AKAP7: variants seen among roughly 807,000 people sequenced by gnomAD.
AKAP7 encodes A kinase (PRKA) anchor protein 7.
In AKAP7, 39 loss-of-function variants were observed where a neutral mutation model predicts 39.5. That is an observed-to-expected ratio of 0.99 (90% CI 0.76 to 1.29). AKAP7 has a LOEUF of 1.29. Ranked by LOEUF, AKAP7 falls within the 50% of genes most tolerant of loss-of-function variation. The probability of loss-of-function intolerance (pLI) is 0.00; values close to 1 mark genes in which losing one functional copy is unlikely to be tolerated. For missense variants in AKAP7, 414 were observed against 407.7 expected (o/e 1.02, Z -0.13); for synonymous variants, 140 against 139.1 (o/e 1.01, Z -0.05).
the AKAP7 span, among the ~76,000 whole-genome samples, chr6:131,127,172 A>G: frequency 6.6e-6 from 1 of 151,972 alleles, no homozygotes; most frequent in Non-Finnish European, 1.5e-5. Flanking sequence ...TAGCCTCCTG[A>G]GTAGCTGGGA....
intron 7 of AKAP7, among the ~76,000 whole-genome samples, chr6:131,232,134 A>G (rs1332591602): frequency 6.6e-6 from 1 of 152,114 alleles, no homozygotes; most frequent in Non-Finnish European, 1.5e-5. Context: ...TTGGTTTCAA[A>G]CCTTATGATT....
intron 5 of AKAP7, among the ~76,000 whole-genome samples, chr6:131,179,454 G>T (rs916785990): frequency 6.6e-6 from 1 of 152,156 alleles, no homozygotes; most frequent in Non-Finnish European, 1.5e-5. Context: ...GATTACAGGC[G>T]TGAGCCACCG....
Position 131,135,787 on chromosome 6 carries a change from G to C in AKAP7, c.19+5G>C, listed in dbSNP as rs1375555147. On this transcript the variant is annotated splice_donor_5th_base_variant and intron_variant, in intron 1 of 7. Transcript: ENST00000431975. ...CCATGGAGCGCCCCGAAGCGGGTGAGACCGGGCTGTCCAGCGGGCCGGGGC... is the reference window on the plus strand; with the variant it reads ...CCATGGAGCGCCCCGAAGCGGGTGACACCGGGCTGTCCAGCGGGCCGGGGC... 6 of 1,228,746 alleles carry C rather than the reference G, an allele frequency of 4.9e-6. No homozygotes were observed. The highest frequency in any genetic ancestry group is 6.1e-6 in the Non-Finnish European group (6 of 986,340). 76.1% of individuals were successfully genotyped at this position (1,228,746 alleles called of 1,614,324 possible). A position where few individuals can be genotyped will look rare whatever the true frequency, so the allele number is the denominator to read the frequency against.
intron 7 of AKAP7, among the ~76,000 whole-genome samples, chr6:131,273,299 T>A (rs112703439): frequency 3.3e-5 from 5 of 152,206 alleles, no homozygotes; most frequent in African/African-American, 1.2e-4. Context: ...TTCATTGGAG[T>A]GTCTAGGCCA....
chr6:131,217,234 A>G (rs1429305534), intron 6 of AKAP7, among the ~76,000 whole-genome samples: 1 of 152,148 alleles, frequency 6.6e-6, no homozygotes, highest in African/African-American at 2.4e-5. Context: ...TTCAGAAAAT[A>G]GGTCCCTTCT....
intron 5 of AKAP7, among the ~76,000 whole-genome samples, chr6:131,193,265 T>G (rs1252670643): frequency 6.6e-6 from 1 of 152,132 alleles, no homozygotes; most frequent in Non-Finnish European, 1.5e-5. Flanking sequence ...CTATACACAG[T>G]TCTTTGAGTT....
At chr6:131,204,985 G>A (rs1305387744) in intron 6 of AKAP7, among the ~76,000 whole-genome samples, 1 of 152,076 alleles carries the variant, frequency 6.6e-6, no homozygotes, top group Admixed American at 6.6e-5. Flanking sequence ...AAGTACTGAT[G>A]CACTAAAAGC....
At chr6:131,252,499 C>G (rs1255417087) in intron 7 of AKAP7, among the ~76,000 whole-genome samples, 2 of 152,192 alleles carry the variant, frequency 1.3e-5, no homozygotes, top group African/African-American at 4.8e-5. Flanking sequence ...CACATATGCA[C>G]ATTGTAGAGC....
upstream of AKAP7, among the ~76,000 whole-genome samples, chr6:131,131,473 T>C (rs1179290147): frequency 1.1e-3 from 126 of 114,924 alleles, no homozygotes; most frequent in Admixed American, 2.6e-3. Flanking sequence ...CTTTCTTTTT[T>C]TTTTTTTTTT....
chr6:131,171,647 G>A (rs991237850), intron 5 of AKAP7, among the ~76,000 whole-genome samples: 7 of 152,214 alleles, frequency 4.6e-5, no homozygotes, highest in African/African-American at 1.7e-4. Flanking sequence ...TAATGGGGTT[G>A]CAGAGCAATG....
At chr6:131,206,862 C>T (rs2128287505) in intron 6 of AKAP7, among the ~76,000 whole-genome samples, 1 of 152,172 alleles carries the variant, frequency 6.6e-6, no homozygotes, top group Middle Eastern at 3.4e-3. Context: ...GTTTGACTGC[C>T]ACTCACTTTT....
At chr6:131,229,982 C>G (rs903757936) in intron 7 of AKAP7, among the ~76,000 whole-genome samples, 1 of 152,204 alleles carries the variant, frequency 6.6e-6, no homozygotes, top group East Asian at 1.9e-4. Context: ...TTTCTTAATC[C>G]AGTTCACCAT....
upstream of AKAP7, among the ~76,000 whole-genome samples, chr6:131,132,328 AG>A (rs1483608960): frequency 2.1e-5 from 3 of 144,428 alleles, no homozygotes; most frequent in Non-Finnish European, 4.6e-5. Flanking sequence ...AAAAAAAAAA[AG>A]ATGAATTCAT....
intron 5 of AKAP7, among the ~76,000 whole-genome samples, chr6:131,181,882 G>A (rs1805289259): frequency 6.6e-6 from 1 of 152,078 alleles, no homozygotes; most frequent in African/African-American, 2.4e-5. Context: ...CTAGTACTTT[G>A]GAAGGCTGAG....
At chr6:131,272,502 A>C (rs2128335709) in intron 7 of AKAP7, among the ~76,000 whole-genome samples, 1 of 152,286 alleles carries the variant, frequency 6.6e-6, no homozygotes, top group South Asian at 2.1e-4. Context: ...ATAAGCACTT[A>C]GTGTATAAAG....
intron 7 of AKAP7, among the ~76,000 whole-genome samples, chr6:131,240,203 C>T (rs571120703): frequency 3.9e-5 from 6 of 152,318 alleles, no homozygotes; most frequent in African/African-American, 7.2e-5. Context: ...GTATCAGCAG[C>T]GGAGGCTGCA....
intron 7 of AKAP7, among the ~76,000 whole-genome samples, chr6:131,248,247 T>A (rs1296308077): frequency 6.6e-6 from 1 of 152,172 alleles, no homozygotes; most frequent in Non-Finnish European, 1.5e-5. Context: ...TTAAAAGCTT[T>A]ATAATGAACT....
chr6:131,200,592 C>T (rs1031302828), intron 6 of AKAP7, among the ~76,000 whole-genome samples: 5 of 152,056 alleles, frequency 3.3e-5, no homozygotes, highest in South Asian at 4.1e-4. Context: ...TTGGGTGACT[C>T]ACCATCCTAT....
chr6:131,152,550 G>A (rs1441743932), intron 2 of AKAP7, among the ~76,000 whole-genome samples: 5 of 152,172 alleles, frequency 3.3e-5, no homozygotes, highest in African/African-American at 7.2e-5. Context: ...TATTGGGGCC[G>A]GGCGTGGTGG....
Sources: gnomAD v4.1 joint callset for allele counts (sites outside exome capture counted in the v4.1 genomes callset) on GRCh38, gnomAD v4.1.1 for gene constraint, MANE v1.5 for transcripts, NCBI Gene and HGNC (gene_info 2026-07-23, HGNC 2026-07-21) for gene names.